The following PCNT variants were observed in gnomAD, a reference collection of about 807,000 sequenced individuals.
The protein encoded by PCNT is pericentrin, also known as kendrin.
A neutral mutation model predicts 380.4 loss-of-function variants in PCNT; 319 were observed. The observed-to-expected ratio is 0.84, with a 90% CI of 0.77 to 0.92. PCNT has a LOEUF of 0.92. PCNT is among the 40% of genes least tolerant of loss of function. The probability of loss-of-function intolerance (pLI) is 0.00; values close to 1 mark genes in which losing one functional copy is unlikely to be tolerated. For synonymous variants in PCNT, 1,845 were observed against 1,735.2 expected, an observed-to-expected ratio of 1.06 and a Z score of -1.57; for missense variants, 4,400 against 4,255.3, an observed-to-expected ratio of 1.03 and a Z score of -0.95.
intron 15 of PCNT, among the ~76,000 whole-genome samples, chr21:46,368,461 C>T (rs1180445002): frequency 3.3e-5 from 5 of 151,002 alleles, no homozygotes; most frequent in Middle Eastern, 3.4e-3. Flanking sequence ...AAAAAAAAAG[C>T]GGTGATGGTT....
intron 2 of PCNT, among the ~76,000 whole-genome samples, 183 bp downstream of exon 2, chr21:46,326,772 G>T (rs1337466632): frequency 6.6e-6 from 1 of 152,154 alleles, no homozygotes; most frequent in Non-Finnish European, 1.5e-5. Context: ...CCCGCACTTT[G>T]GGAGGCCGAG....
At chr21:46,386,075 G>C in intron 17 of PCNT, 92 bp downstream of exon 17, 1 of 1,504,356 alleles carries the variant, frequency 6.6e-7, no homozygotes, top group Non-Finnish European at 9.2e-7. Context: ...TCCTGGCCCC[G>C]TGGCTGCTGC....
chr21:46,377,260 G>A (rs903642578), intron 15 of PCNT, among the ~76,000 whole-genome samples: 1 of 152,346 alleles, frequency 6.6e-6, no homozygotes, highest in South Asian at 2.1e-4. Context: ...GGCAGGGAGC[G>A]GGAGCCGGCA....
At position 46,412,074 on chromosome 21, in the gene PCNT, T is replaced by TC. The variant is rs772752236; in HGVS notation, c.5994+13dup. On this transcript the variant is annotated splice_region_variant and intron_variant, in intron 28 of 46. Transcript: ENST00000359568. The stretch of plus-strand genomic sequence containing the variant: ...GGTTGTCCCTGACCCACAGGTGGGC[T>TC]CCCCCCGCGGGCCATGGCAGGGTAT... 33 of 1,604,098 alleles carry TC rather than the reference T, an allele frequency of 2.1e-5. No homozygotes were observed. The highest frequency in any genetic ancestry group is 4.5e-5 in the East Asian group (2 of 44,814).
At chr21:46,438,608 T>G (rs536155645) in intron 41 of PCNT, among the ~76,000 whole-genome samples, 12 of 152,262 alleles carry the variant, frequency 7.9e-5, no homozygotes, top group African/African-American at 2.9e-4. Flanking sequence ...CATAAAAGGG[T>G]ATTTTGACTA....
chr21:46,416,951 G>A, intron 30 of PCNT, 112 bp downstream of exon 30: 2 of 1,013,108 alleles, frequency 2.0e-6, no homozygotes, highest in Admixed American at 2.2e-5. Context: ...ACCTCGCAGT[G>A]CTGTGTGGGG....
At chr21:46,427,893 G>T (rs943761809) in intron 34 of PCNT, 98 bp downstream of exon 34, 2 of 1,374,714 alleles carry the variant, frequency 1.5e-6, no homozygotes, top group South Asian at 1.2e-5. Context: ...ATTTCGGTTT[G>T]TGTGTTTCTC....
intron 39 of PCNT, 138 bp from the exon 40 acceptor site, chr21:46,436,841 A>T: frequency 1.4e-6 from 1 of 717,656 alleles, no homozygotes; most frequent in Non-Finnish European, 2.5e-6. Context: ...GCTCTGCCTC[A>T]CGGCTGGACG....
rs370163972 is a variant in PCNT at position 46,391,149 on chromosome 21, G to A, written c.4004-15G>A. On this transcript the variant is annotated splice_polypyrimidine_tract_variant and intron_variant, in intron 20 of 46. Transcript: ENST00000359568. The stretch of plus-strand genomic sequence containing the variant: ...CAGGACTGGCTTTGTCAGAGCATCT[G>A]TGTCTCCCACAAAGGTACCCTTGAG... 1.7e-5 allele frequency: 26 copies of A among 1,566,590 alleles called. No individual in the cohort carries two copies. The African/African-American group carries it at 3.1e-4, about 19-fold the overall frequency.
intron 3 of PCNT, among the ~76,000 whole-genome samples, chr21:46,336,757 G>A (rs1336191815): frequency 6.6e-6 from 1 of 152,110 alleles, no homozygotes; most frequent in Admixed American, 6.5e-5. Context: ...GTGTGCCTGG[G>A]AGCTAGTCTG....
At chr21:46,326,172 A>G (rs1391309192) in intron 1 of PCNT, among the ~76,000 whole-genome samples, 1 of 152,224 alleles carries the variant, frequency 6.6e-6, no homozygotes, top group Non-Finnish European at 1.5e-5. Flanking sequence ...ACCAGGCATA[A>G]TTAGCAGTCC....
chr21:46,432,325 CTGCT>C, intron 38 of PCNT, 110 bp downstream of exon 38: 1 of 1,034,512 alleles, frequency 9.7e-7, no homozygotes, highest in Non-Finnish European at 1.5e-6. Context: ...CTGACCTGGT[CTGCT>C]CTGGTCTGTG....
rs545507371 is a variant in PCNT at position 46,396,985 on chromosome 21, G to A, written c.4217-280G>A. Among the ~76,000 whole-genome samples the A allele has an allele frequency of 1.1e-3, 165 of 152,194 alleles. 6 individuals are homozygous for A. The South Asian group carries it at 0.03, about 28-fold the overall frequency. ...CCCCAGGCTCTCAGCACCGTCCGTC[G>A]TCTGCTGGGACTGGGCTTAGTCGTG... On this transcript the variant is annotated intron_variant, in intron 21 of 46. Coordinates refer to ENST00000359568, the MANE Select transcript of PCNT (RefSeq NM_006031.6).
At chr21:46,335,510 A>G (rs1330516127) in intron 3 of PCNT, among the ~76,000 whole-genome samples, 2 of 151,898 alleles carry the variant, frequency 1.3e-5, no homozygotes, top group Non-Finnish European at 1.5e-5. Flanking sequence ...CCTGGCCAAT[A>G]TGGTGAAACC....
rs762462989 is a variant in PCNT, at chr21:46,438,436, G to A, written c.9273+99G>A. 6 of 1,068,164 alleles carry A rather than the reference G, an allele frequency of 5.6e-6. No individual in the cohort carries two copies. In the Admixed American group the frequency reaches 7.1e-5, roughly 13 times the overall value. 66.2% of individuals were successfully genotyped at this position (1,068,164 alleles called of 1,614,324 possible). A position where few individuals can be genotyped will look rare whatever the true frequency, so the allele number is the denominator to read the frequency against. On this transcript the variant is annotated intron_variant, in intron 41 of 46. Transcript: ENST00000359568. ...AGGCCGGGCTCCCTTTAGGGACCTGGGGATGTGGGCGTCACCTTCTCCCTA... is the reference window on the plus strand; with the variant it reads ...AGGCCGGGCTCCCTTTAGGGACCTGAGGATGTGGGCGTCACCTTCTCCCTA...
intron 1 of PCNT, among the ~76,000 whole-genome samples, chr21:46,325,736 G>T (rs1302488491): frequency 6.6e-6 from 1 of 152,228 alleles, no homozygotes; most frequent in Admixed American, 6.5e-5. Context: ...ACGTTAGCGG[G>T]AGATGAGGCT....
rs577821633 is a variant in PCNT, at chr21:46,425,523, G to A, written c.7180-308G>A. The stretch of plus-strand genomic sequence containing the variant: ...GAGCTTTGTCCAGGCTTAGGCGGGG[G>A]ACGGTGTCCCCCTCAGGGAGCAGGT... On this transcript the variant is annotated intron_variant, in intron 32 of 46. Transcript: ENST00000359568. This position sits in a 1 kb window ranked among gnomAD's most constrained non-coding sequence, Gnocchi z 4.2. 7.2e-5 allele frequency among the ~76,000 whole-genome samples: 11 copies of A among 152,250 alleles called. No homozygotes were observed. The highest frequency in any genetic ancestry group is 1.3e-4 in the Non-Finnish European group (9 of 68,038).
intron 33 of PCNT, 138 bp from the exon 34 acceptor site, chr21:46,427,484 C>T (rs1409141533): frequency 3.4e-6 from 3 of 895,410 alleles, no homozygotes; most frequent in Admixed American, 1.9e-5. Flanking sequence ...GGTGTCTCTT[C>T]CTCTTCTTAA....
intron 30 of PCNT, among the ~76,000 whole-genome samples, chr21:46,417,467 C>G (rs964218006): frequency 2.6e-5 from 4 of 152,100 alleles, no homozygotes; most frequent in Non-Finnish European, 4.4e-5. Flanking sequence ...GCTGGGCTTA[C>G]AGGCGTGAGC....
Sources: allele counts gnomAD v4.1 joint callset (sites outside exome capture counted in the v4.1 genomes callset), GRCh38; gene constraint gnomAD v4.1.1; non-coding constraint Gnocchi (gnomAD v3.1); transcripts MANE v1.5; gene names NCBI Gene and HGNC (gene_info 2026-07-23, HGNC 2026-07-21).